FYB2: variants seen among roughly 807,000 people sequenced by gnomAD.
FYB2 encodes FYN-binding protein 2.
In FYB2, 103 loss-of-function variants were observed where a neutral mutation model predicts 94.1. The ratio of observed to expected loss-of-function variants is 1.09; its 90% CI spans 0.93 to 1.29. FYB2 has a LOEUF of 1.29. Among genes scored for constraint, FYB2 ranks in the 50% most tolerant of loss-of-function variants. The pLI is 0.00. For missense variants in FYB2, 896 were observed against 841.5 expected (o/e 1.06, Z -0.80); for synonymous variants, 293 against 287.9 (o/e 1.02, Z -0.18).
intron 3 of FYB2, among the ~76,000 whole-genome samples, chr1:56,788,254 T>C (rs1646177090): frequency 6.6e-6 from 1 of 152,258 alleles, no homozygotes; most frequent in Non-Finnish European, 1.5e-5. Context: ...GCTGTCTCAG[T>C]GTACCTGCCA....
At chr1:56,786,543 G>T (rs1164069881) in intron 4 of FYB2, among the ~76,000 whole-genome samples, 2 of 152,128 alleles carry the variant, frequency 1.3e-5, no homozygotes, top group African/African-American at 4.8e-5. Context: ...TGGGAGGTGA[G>T]GTATATAATC....
intron 1 of FYB2, among the ~76,000 whole-genome samples, chr1:56,814,156 G>A (rs1646828020): frequency 6.6e-6 from 1 of 152,226 alleles, no homozygotes; most frequent in African/African-American, 2.4e-5. Flanking sequence ...AAGAGAATGT[G>A]CATGGAGATG....
the FYB2 span, among the ~76,000 whole-genome samples, chr1:56,825,762 T>C: frequency 6.6e-6 from 1 of 152,226 alleles, no homozygotes; most frequent in Non-Finnish European, 1.5e-5. Context: ...ACTCAGTGTG[T>C]TGGGCTAGGC....
chr1:56,749,249 T>C (rs1645140543), intron 9 of FYB2, among the ~76,000 whole-genome samples: 1 of 151,872 alleles, frequency 6.6e-6, no homozygotes, highest in South Asian at 2.1e-4. Context: ...AATTCTCAGA[T>C]AGTATTTGTT....
At chr1:56,765,026 G>A (rs1017366879) in intron 5 of FYB2, among the ~76,000 whole-genome samples, 3 of 152,140 alleles carry the variant, frequency 2.0e-5, no homozygotes, top group Admixed American at 6.5e-5. Context: ...TCGCATTGGG[G>A]GTAGGTTTTC....
At chr1:56,822,237 A>G (rs1476178549), upstream of FYB2, among the ~76,000 whole-genome samples, 2 of 152,200 alleles carry the variant, frequency 1.3e-5, no homozygotes, top group East Asian at 3.9e-4. Context: ...TAACACAACC[A>G]GTGGAAGATC....
Position 56,720,595 on chromosome 1 carries a change from C to T in FYB2, c.1975-266G>A, listed in dbSNP as rs552304875. Reference sequence around the variant, plus strand: ...TTCACAACCATTATTATTATTTTTTCTCTCAAATCTTTTTTAAAATTATTC... The same window carrying T: ...TTCACAACCATTATTATTATTTTTTTTCTCAAATCTTTTTTAAAATTATTC... On this transcript the variant is annotated intron_variant, in intron 17 of 19. Coordinates refer to ENST00000343433, the MANE Select transcript of FYB2 (RefSeq NM_001004303.5). 1.6e-4 allele frequency: 42 copies of T among 256,066 alleles called. No individual in the cohort carries two copies. The East Asian group carries it at 3.4e-3, about 21-fold the overall frequency. The allele number at this position is 256,066 out of a possible 1,614,324, so 15.9% of individuals were successfully genotyped here.
rs370378901 is a variant in FYB2 at position 56,789,139 on chromosome 1, A to G, written c.758-5T>C. 1.9e-6 allele frequency: 3 copies of G among 1,554,326 alleles called. No individual in the cohort carries two copies. In the African/African-American group the frequency reaches 4.1e-5, roughly 21 times the overall value. On this transcript the variant is annotated splice_polypyrimidine_tract_variant and splice_region_variant and intron_variant, in intron 2 of 19. Coordinates refer to ENST00000343433, the MANE Select transcript of FYB2 (RefSeq NM_001004303.5). ...GCCTGACATCTGGCTGTTTTTCTGA[A>G]CACAAGACAGTAAAAAATGTAAGTT...
intron 3 of FYB2, 33 bp from the exon 4 acceptor site, chr1:56,787,241 C>A: frequency 6.2e-7 from 1 of 1,612,964 alleles, no homozygotes; most frequent in East Asian, 2.2e-5. Flanking sequence ...GAAAAAGAGG[C>A]ATTTGCAGCA....
In FYB2 at chr1:56,805,481, T is replaced by A. The variant is rs148366355; in HGVS notation, c.10-12678A>T. ...TATGTTGTCTCAATTACCATAATCCTTACAACTGGCTTCTGAGCTGTGCCC... is the reference window on the plus strand; with the variant it reads ...TATGTTGTCTCAATTACCATAATCCATACAACTGGCTTCTGAGCTGTGCCC... On this transcript the variant is annotated intron_variant, in intron 1 of 19. Coordinates refer to ENST00000343433, the MANE Select transcript of FYB2 (RefSeq NM_001004303.5). Among the ~76,000 whole-genome samples the A allele has an allele frequency of 1.6e-4, 24 of 152,312 alleles. 1 individual carries two copies. In the East Asian group the frequency reaches 4.6e-3, roughly 29 times the overall value.
intron 5 of FYB2, chr1:56,762,075 T>C (rs1645508752): frequency 6.6e-6 from 1 of 152,236 alleles, no homozygotes; most frequent in Admixed American, 6.5e-5. Flanking sequence ...GAATTCTCAA[T>C]TCTGTTCCAT....
chr1:56,780,307 G>A (rs534616147), intron 4 of FYB2, among the ~76,000 whole-genome samples: 4 of 152,320 alleles, frequency 2.6e-5, no homozygotes, highest in Non-Finnish European at 5.9e-5. Context: ...CCCTAGGCCA[G>A]CCTCCCTCAC....
At chr1:56,753,958 G>GAA (rs11404547) in intron 7 of FYB2, 23 bp from the exon 8 acceptor site, 45 of 1,417,458 alleles carry the variant, frequency 3.2e-5, no homozygotes, top group Middle Eastern at 2.1e-4. Context: ...GAGATACCAG[G>GAA]AAAAAAATGA....
At chr1:56,742,579 C>A (rs2100621364) in intron 11 of FYB2, among the ~76,000 whole-genome samples, 1 of 152,202 alleles carries the variant, frequency 6.6e-6, no homozygotes, top group East Asian at 1.9e-4. Flanking sequence ...GCGCTGAATG[C>A]TGGGGCAACC....
rs192952103 is a variant in FYB2 at position 56,775,205 on chromosome 1, T to C, written c.954-7267A>G. 2.9e-3 allele frequency among the ~76,000 whole-genome samples: 447 copies of C among 152,246 alleles called. 2 individuals are homozygous for C. Among genetic ancestry groups the C allele is most frequent in the African/African-American group, 0.01 (432 of 41,548 alleles). ...CCCTGACTAATCCACTTACCAATTC[T>C]ACTATGACTTCTACTACAACAACAT... On this transcript the variant is annotated intron_variant, in intron 4 of 19. Transcript: ENST00000343433.
At chr1:56,782,242 A>G (rs538483839) in intron 4 of FYB2, among the ~76,000 whole-genome samples, 5 of 152,160 alleles carry the variant, frequency 3.3e-5, no homozygotes, top group African/African-American at 7.2e-5. Flanking sequence ...GTACCCATTA[A>G]TCAATCAGAG....
chr1:56,792,661 T>C lies in FYB2; in HGVS notation c.152A>G (p.Asn51Ser), dbSNP rs374738405. The change falls in exon 2 of 20, where the codon AAT becomes AGT. Residue 51 changes from asparagine (N) to serine (S), a missense_variant. By Grantham distance (46) the Asn-to-Ser change is conservative (BLOSUM62 1). Coordinates refer to ENST00000343433, the MANE Select transcript of FYB2 (RefSeq NM_001004303.5). ...GTGGTTGGATGAGAGGGGTTTCCCATTGGCCAAAATTTGAGTTGACTGTGT... is the reference window on the plus strand; with the variant it reads ...GTGGTTGGATGAGAGGGGTTTCCCACTGGCCAAAATTTGAGTTGACTGTGT... ...GGTQSTQILA[N>S]GKPLSSNHKQ... 6.8e-6 allele frequency: 11 copies of C among 1,614,070 alleles called. No individual in the cohort carries two copies. Among genetic ancestry groups the C allele is most frequent in the East Asian group, 6.7e-5 (3 of 44,862 alleles).
chr1:56,770,422 A>G (rs1052350096), intron 4 of FYB2, among the ~76,000 whole-genome samples: 1 of 152,196 alleles, frequency 6.6e-6, no homozygotes, highest in African/African-American at 2.4e-5. Flanking sequence ...TACTCGTTTT[A>G]AGAAGATAAT....
intron 1 of FYB2, among the ~76,000 whole-genome samples, chr1:56,796,016 A>G (rs1646389668): frequency 6.6e-6 from 1 of 152,216 alleles, no homozygotes; most frequent in Non-Finnish European, 1.5e-5. Context: ...AAAATAAGCA[A>G]TTACACAAGA....
Sources: allele counts gnomAD v4.1 joint callset (sites outside exome capture counted in the v4.1 genomes callset), GRCh38; gene constraint gnomAD v4.1.1; transcripts MANE v1.5; gene names NCBI Gene and HGNC (gene_info 2026-07-23, HGNC 2026-07-21).